Variants in MCTP1 observed in about 807,000 individuals in gnomAD.
The protein encoded by MCTP1 is multiple C2 and transmembrane domain containing 1.
A neutral mutation model predicts 120.6 loss-of-function variants in MCTP1; 69 were observed. The observed-to-expected ratio is 0.57, with a 90% confidence interval of 0.47 to 0.70. The LOEUF (loss-of-function observed/expected upper bound fraction) is 0.70, where lower values mean the gene tolerates loss of function less well. Ranked by LOEUF, MCTP1 falls within the 30% of genes least tolerant of loss-of-function variation. The pLI is 0.00. For synonymous variants in MCTP1, 529 were observed against 493.1 expected (o/e 1.07, Z -0.96); for missense variants, 1,203 against 1,248.8 (o/e 0.96, Z 0.55).
intron 1 of MCTP1, among the ~76,000 whole-genome samples, chr5:95,215,498 T>A (rs146772946): frequency 6.6e-6 from 1 of 152,246 alleles, no homozygotes; most frequent in Non-Finnish European, 1.5e-5. Flanking sequence ...TACAATACAA[T>A]TCTGGCCAAT....
At chr5:94,854,094 A>G (rs1171079921) in intron 17 of MCTP1, among the ~76,000 whole-genome samples, 2 of 151,860 alleles carry the variant, frequency 1.3e-5, no homozygotes, top group Non-Finnish European at 2.9e-5. Flanking sequence ...AAGTAGTCAC[A>G]TTCTAGAGAC....
At position 94,954,183 on chromosome 5, in the gene MCTP1, C is replaced by CATATATATATATATATAT. The variant is rs67189314; in HGVS notation, c.839-840_839-823dup. Among the ~76,000 whole-genome samples, 32 of 57,814 alleles carry CATATATATATATATATAT rather than the reference C, an allele frequency of 5.5e-4. 1 individual carries two copies. The highest frequency in any genetic ancestry group is 7.1e-4 in the Non-Finnish European group (22 of 30,864). The allele number at this position is 57,814 out of a possible 152,430, so 37.9% of individuals were successfully genotyped here. ...GCATATATATACATATATATATATG[C>CATATATATATATATATAT]ATATATATATATATATATATATGCC... On this transcript the variant is annotated intron_variant, in intron 2 of 22. Coordinates refer to ENST00000515393, the MANE Select transcript of MCTP1 (RefSeq NM_024717.7).
intron 1 of MCTP1, among the ~76,000 whole-genome samples, chr5:95,055,824 G>A (rs1747243435): frequency 6.6e-6 from 1 of 152,100 alleles, no homozygotes; most frequent in Admixed American, 6.6e-5. Flanking sequence ...CAGGGTTTTG[G>A]AGATAATTAG....
intron 1 of MCTP1, among the ~76,000 whole-genome samples, chr5:95,176,552 T>A (rs575228329): frequency 2.8e-4 from 42 of 152,258 alleles, no homozygotes; most frequent in Admixed American, 1.2e-3. Context: ...GCAGTATTGA[T>A]ATAAAGTCTT....
chr5:95,115,469 G>A (rs1468519182), intron 1 of MCTP1, among the ~76,000 whole-genome samples: 1 of 152,006 alleles, frequency 6.6e-6, no homozygotes, highest in Non-Finnish European at 1.5e-5. Flanking sequence ...AATTTCTGGA[G>A]TTGAAAAATG....
rs544401706 is a variant in MCTP1, at chr5:95,060,508, T to C, written c.721-43024A>G. On this transcript the variant is annotated intron_variant, in intron 1 of 22. Transcript: ENST00000515393. Reference sequence around the variant, plus strand: ...TCTAAACTTGAGAAGATGAAAAAAGTTTTTTTAAAAAAGGCCACTTTTGCA... The same window carrying C: ...TCTAAACTTGAGAAGATGAAAAAAGCTTTTTTAAAAAAGGCCACTTTTGCA... 2.2e-3 allele frequency among the ~76,000 whole-genome samples: 329 copies of C among 152,270 alleles called. 3 individuals are homozygous for C. Among genetic ancestry groups the C allele is most frequent in the Non-Finnish European group, 3.5e-3 (240 of 68,024 alleles).
At chr5:95,194,413 G>A (rs1338243013) in intron 1 of MCTP1, among the ~76,000 whole-genome samples, 1 of 152,116 alleles carries the variant, frequency 6.6e-6, no homozygotes, top group Non-Finnish European at 1.5e-5. Context: ...ACGGGAAACT[G>A]AAACTGTATG....
chr5:94,943,343 G>C (rs1047920721), intron 3 of MCTP1, among the ~76,000 whole-genome samples: 2 of 152,026 alleles, frequency 1.3e-5, no homozygotes, highest in Non-Finnish European at 2.9e-5. Flanking sequence ...CCCAGGAGAG[G>C]GACTGATGTG....
At chr5:95,045,929 T>G (rs1419512448) in intron 1 of MCTP1, among the ~76,000 whole-genome samples, 1 of 152,172 alleles carries the variant, frequency 6.6e-6, no homozygotes, top group Non-Finnish European at 1.5e-5. Context: ...GCTGAACCTC[T>G]TCATACCTCA....
At chr5:94,993,658 T>C (rs1049892014) in intron 2 of MCTP1, among the ~76,000 whole-genome samples, 2 of 152,162 alleles carry the variant, frequency 1.3e-5, no homozygotes, top group African/African-American at 2.4e-5. Flanking sequence ...TCCAACCCAC[T>C]GTAAATGCAG....
At chr5:94,999,524 A>G (rs140613118) in intron 2 of MCTP1, among the ~76,000 whole-genome samples, 3,041 of 152,326 alleles carry the variant, frequency 0.02, 41 homozygotes, top group Middle Eastern at 0.041. Flanking sequence ...ACTGCTGAGA[A>G]CAGTGTCAGA....
intron 10 of MCTP1, among the ~76,000 whole-genome samples, chr5:94,908,004 T>A (rs1016862974): frequency 6.6e-6 from 1 of 152,004 alleles, no homozygotes; most frequent in Non-Finnish European, 1.5e-5. Context: ...CCAAAGAAAA[T>A]GAACTAATCA....
intron 1 of MCTP1, among the ~76,000 whole-genome samples, chr5:95,165,186 G>C (rs1746184571): frequency 6.6e-6 from 1 of 152,192 alleles, no homozygotes. Flanking sequence ...TTGGTGAAAA[G>C]TCTGTGCCTC....
intron 5 of MCTP1, among the ~76,000 whole-genome samples, chr5:94,934,740 T>TTG (rs1554142503): frequency 2.2e-4 from 33 of 150,450 alleles, no homozygotes; most frequent in Admixed American, 4.0e-4. Flanking sequence ...TAAAGAAGTT[T>TTG]TTTTTTTTTT....
intron 1 of MCTP1, among the ~76,000 whole-genome samples, chr5:95,074,014 G>C (rs1394860654): frequency 2.6e-5 from 4 of 152,170 alleles, no homozygotes; most frequent in Non-Finnish European, 5.9e-5. Flanking sequence ...TACTCAGGAG[G>C]CTGAGGCAGA....
chr5:94,849,373 C>T (rs1793164922), intron 17 of MCTP1, among the ~76,000 whole-genome samples: 1 of 152,108 alleles, frequency 6.6e-6, no homozygotes, highest in South Asian at 2.1e-4. Context: ...TATTTGGGTG[C>T]TAATTAGACC....
intron 17 of MCTP1, among the ~76,000 whole-genome samples, chr5:94,805,690 G>C (rs1000746700): frequency 2.6e-5 from 4 of 151,648 alleles, no homozygotes; most frequent in African/African-American, 7.3e-5. Flanking sequence ...ATTGCACAGA[G>C]AGAACTTTAA....
chr5:94,991,335 C>T lies in MCTP1; in HGVS notation c.838+26032G>A, dbSNP rs141500320. 4.8e-4 allele frequency among the ~76,000 whole-genome samples: 73 copies of T among 152,260 alleles called. No individual in the cohort carries two copies. The Middle Eastern group carries it at 0.01, about 21-fold the overall frequency. The stretch of plus-strand genomic sequence containing the variant: ...AAAAAGGAATATCTATTGACTTCTG[C>T]TAAGACATTGTTCATAACATTAAAT... On this transcript the variant is annotated intron_variant, in intron 2 of 22. Transcript: ENST00000515393.
At chr5:95,274,748 T>C (rs929655747) in intron 1 of MCTP1, among the ~76,000 whole-genome samples, 9 of 152,096 alleles carry the variant, frequency 5.9e-5, no homozygotes, top group African/African-American at 2.2e-4. Flanking sequence ...CTCAGACTCC[T>C]GAGTAGCTGG....
Sources: gnomAD v4.1 joint callset for allele counts (sites outside exome capture counted in the v4.1 genomes callset) on GRCh38, gnomAD v4.1.1 for gene constraint, MANE v1.5 for transcripts, NCBI Gene and HGNC (gene_info 2026-07-23, HGNC 2026-07-21) for gene names.